ZFHX4: variants seen among roughly 807,000 people sequenced by gnomAD.
ZFHX4 encodes the protein zinc finger homeobox protein 4.
A neutral mutation model predicts 267.6 loss-of-function variants in ZFHX4; 56 were observed. The ratio of observed to expected loss-of-function variants is 0.21; its 90% CI spans 0.17 to 0.26. ZFHX4 has a LOEUF of 0.26. Among genes scored for constraint, ZFHX4 ranks in the 10% least tolerant of loss-of-function variants. ZFHX4 has a pLI of 1.00. For missense variants in ZFHX4, 4,332 were observed against 4,420.0 expected (o/e 0.98, Z 0.56); for synonymous variants, 1,778 against 1,665.6 (o/e 1.07, Z -1.64).
intron 4 of ZFHX4, among the ~76,000 whole-genome samples, chr8:76,786,423 CATTTTAG>C (rs1459353843): frequency 1.3e-5 from 2 of 150,338 alleles, no homozygotes; most frequent in Non-Finnish European, 3.0e-5. Context: ...CTTTTTTGGG[CATTTTAG>C]ATAAGGAGAT....
intron 1 of ZFHX4, among the ~76,000 whole-genome samples, chr8:76,684,221 G>T (rs913962971): frequency 6.6e-6 from 1 of 151,768 alleles, no homozygotes; most frequent in African/African-American, 2.4e-5. Flanking sequence ...ATATTAAAGA[G>T]AATGAAGGTT....
chr8:76,688,795 C>T (rs1016597508), intron 1 of ZFHX4, among the ~76,000 whole-genome samples: 1 of 152,044 alleles, frequency 6.6e-6, no homozygotes, highest in Non-Finnish European at 1.5e-5. Flanking sequence ...CACAAATGAT[C>T]CACCGATGGC....
intron 1 of ZFHX4, among the ~76,000 whole-genome samples, chr8:76,685,204 C>T (rs1197888475): frequency 3.3e-5 from 5 of 152,238 alleles, no homozygotes; most frequent in African/African-American, 1.2e-4. Context: ...TAGATTGGCT[C>T]TGACTTCACC....
At chr8:76,843,410 G>T (rs144276356) in intron 6 of ZFHX4, among the ~76,000 whole-genome samples, 1 of 152,174 alleles carries the variant, frequency 6.6e-6, no homozygotes, top group Admixed American at 6.5e-5. Flanking sequence ...ACAAATCCCA[G>T]TAATGAAAGC....
chr8:76,717,608 T>C (rs1444178651), intron 3 of ZFHX4, among the ~76,000 whole-genome samples: 3 of 152,174 alleles, frequency 2.0e-5, no homozygotes, highest in African/African-American at 7.2e-5. Context: ...TTTCTTTTTC[T>C]TTTTTTGAGA....
chr8:76,774,727 T>C (rs1810360472), intron 3 of ZFHX4, among the ~76,000 whole-genome samples: 1 of 152,150 alleles, frequency 6.6e-6, no homozygotes, highest in Non-Finnish European at 1.5e-5. Context: ...ATTAAATATG[T>C]ATAACACATA....
chr8:76,756,759 T>C (rs1277685908), intron 3 of ZFHX4, among the ~76,000 whole-genome samples: 1 of 152,130 alleles, frequency 6.6e-6, no homozygotes, highest in East Asian at 1.9e-4. Flanking sequence ...AAGGTCCAAA[T>C]TTACGCTAAA....
chr8:76,763,095 A>G lies in ZFHX4; in HGVS notation c.3094-15113A>G, dbSNP rs369752270. Among the ~76,000 whole-genome samples the G allele has an allele frequency of 3.8e-4, 58 of 152,214 alleles. 1 individual carries two copies. Among genetic ancestry groups the G allele is most frequent in the South Asian group, 1.9e-3 (9 of 4,814 alleles). On this transcript the variant is annotated intron_variant, in intron 3 of 10. Coordinates refer to ENST00000651372, the MANE Select transcript of ZFHX4 (RefSeq NM_024721.5). ...CCCTCACGGCATCCAGATGTTGAGG[A>G]AGAGACACCATTGTCATTGTTTTCT...
In ZFHX4 at chr8:76,851,178, T is replaced by C; in HGVS notation, c.4257T>C (p.His1419=). 1.9e-6 allele frequency: 3 copies of C among 1,613,958 alleles called. No homozygotes were observed. The highest frequency in any genetic ancestry group is 2.5e-6 in the Non-Finnish European group (3 of 1,179,882). ...MQKLQIHSQY[H]AIRAATMCNL... Reference sequence around the variant, plus strand: ...AGCTTCAGATACATTCCCAGTATCATGCAATTCGGGCTGCGACAATGTGTA... The same window carrying C: ...AGCTTCAGATACATTCCCAGTATCACGCAATTCGGGCTGCGACAATGTGTA... Residue 1419 remains histidine (H), a synonymous_variant, in exon 10 of 11, where the codon CAT becomes CAC. Transcript: ENST00000651372.
intron 5 of ZFHX4, among the ~76,000 whole-genome samples, chr8:76,835,829 A>C (rs1812079079): frequency 6.6e-6 from 1 of 152,196 alleles, no homozygotes; most frequent in Non-Finnish European, 1.5e-5. Flanking sequence ...CTTTGTAAAC[A>C]AAGACATCAA....
intron 6 of ZFHX4, among the ~76,000 whole-genome samples, chr8:76,845,942 A>C (rs1812353795): frequency 6.6e-6 from 1 of 151,998 alleles, no homozygotes; most frequent in African/African-American, 2.4e-5. Flanking sequence ...ACACAAAATA[A>C]ATTATGATCC....
At chr8:76,700,904 AC>A (rs1363265071) in intron 1 of ZFHX4, among the ~76,000 whole-genome samples, 1 of 152,114 alleles carries the variant, frequency 6.6e-6, no homozygotes, top group Non-Finnish European at 1.5e-5. Context: ...TGGTGAAGGA[AC>A]TTTTATAGTG....
In ZFHX4 at chr8:76,704,361, T is replaced by C. The variant is rs1808186501; in HGVS notation, c.273T>C (p.Ser91=). Residue 91 remains serine, a synonymous_variant, in exon 2 of 11, where the codon AGT becomes AGC. Coordinates refer to ENST00000651372, the MANE Select transcript of ZFHX4 (RefSeq NM_024721.5). The part of the protein sequence containing the change: ...PCNECATSFP[S]LQKYMEHHCP... Reference sequence around the variant, plus strand: ...ACGAATGTGCCACTTCTTTTCCCAGTTTACAGAAATACATGGAACACCACT... The same window carrying C: ...ACGAATGTGCCACTTCTTTTCCCAGCTTACAGAAATACATGGAACACCACT... 1 of 1,613,820 alleles carries C rather than the reference T, an allele frequency of 6.2e-7. No individual in the cohort carries two copies. Among genetic ancestry groups the C allele is most frequent in the Admixed American group, 1.7e-5 (1 of 59,990 alleles).
At chr8:76,719,782 A>G (rs7842138) in intron 3 of ZFHX4, among the ~76,000 whole-genome samples, 44,158 of 151,956 alleles carry the variant, frequency 0.29, 8,916 homozygotes, top group African/African-American at 0.57. Context: ...ACTGTCAGAT[A>G]TTCATAGTGG....
intron 3 of ZFHX4, among the ~76,000 whole-genome samples, chr8:76,750,569 C>T (rs1328006641): frequency 6.6e-6 from 1 of 152,034 alleles, no homozygotes; most frequent in Non-Finnish European, 1.5e-5. Flanking sequence ...CAACTGCTAG[C>T]CAGATTTATT....
At chr8:76,759,523 C>A (rs907365077) in intron 3 of ZFHX4, among the ~76,000 whole-genome samples, 4 of 152,100 alleles carry the variant, frequency 2.6e-5, no homozygotes, top group Non-Finnish European at 2.9e-5. Context: ...TGGTTGATTG[C>A]CAAACAGTAA....
chr8:76,711,430 A>G (rs1166891874), intron 3 of ZFHX4, among the ~76,000 whole-genome samples: 1 of 152,182 alleles, frequency 6.6e-6, no homozygotes, highest in Non-Finnish European at 1.5e-5. Context: ...AGATTAATAA[A>G]TACAAAATAT....
At chr8:76,844,645 G>T (rs1448067029) in intron 6 of ZFHX4, among the ~76,000 whole-genome samples, 2 of 152,090 alleles carry the variant, frequency 1.3e-5, no homozygotes, top group African/African-American at 4.8e-5. Flanking sequence ...ATCCAGACAA[G>T]ACTTGGGCAT....
At chr8:76,779,503 A>AT (rs1180737383) in intron 4 of ZFHX4, among the ~76,000 whole-genome samples, 1 of 152,142 alleles carries the variant, frequency 6.6e-6, no homozygotes, top group African/African-American at 2.4e-5. Context: ...GTGAATCAGA[A>AT]TAGAGCACAG....
Sources: gnomAD v4.1 joint callset for allele counts (sites outside exome capture counted in the v4.1 genomes callset) on GRCh38, gnomAD v4.1.1 for gene constraint, MANE v1.5 for transcripts, NCBI Gene and HGNC (gene_info 2026-07-23, HGNC 2026-07-21) for gene names.